RBFOX1: variants seen among roughly 807,000 people sequenced by gnomAD.
RBFOX1 encodes the protein RNA binding protein fox-1 homolog 1.
RBFOX1 carries 8 observed loss-of-function variants against 57.7 expected under a neutral mutation model. That is an observed-to-expected ratio of 0.14 (90% CI 0.08 to 0.25). The LOEUF (loss-of-function observed/expected upper bound fraction) is 0.25. RBFOX1 is among the 10% of genes least tolerant of loss of function. The pLI is 1.00. For missense variants in RBFOX1, 611 were observed against 548.5 expected (o/e 1.11, Z -1.14); for synonymous variants, 326 against 222.4 (o/e 1.47, Z -4.15).
At chr16:7,473,049 C>G (rs1343996974) in intron 4 of RBFOX1, among the ~76,000 whole-genome samples, 1 of 152,060 alleles carries the variant, frequency 6.6e-6, no homozygotes, top group Non-Finnish European at 1.5e-5. Flanking sequence ...ATGTCTCTGT[C>G]CAAGGGTTGA....
At chr16:6,071,758 T>A (rs2095840655) in intron 1 of RBFOX1, among the ~76,000 whole-genome samples, 1 of 152,188 alleles carries the variant, frequency 6.6e-6, no homozygotes, top group African/African-American at 2.4e-5. Flanking sequence ...TCCCCGTGGC[T>A]CCTGGTTACC....
intron 3 of RBFOX1, among the ~76,000 whole-genome samples, chr16:6,892,205 C>G (rs77915716): frequency 1.3e-5 from 2 of 152,200 alleles, no homozygotes; most frequent in East Asian, 3.9e-4. Context: ...GCCCTTTGGC[C>G]AAGCAGAACT....
chr16:5,330,525 C>G lies in RBFOX1; in HGVS notation c.219+90420C>G, dbSNP rs2064722077. The stretch of plus-strand genomic sequence containing the variant: ...TCGAGCAATTCTCCTGCCTCAGTCT[C>G]CCAAGTAGCTGGGACTACAGGTGTG... On this transcript the variant is annotated intron_variant, in intron 1 of 2. Coordinates refer to the RBFOX1 transcript ENST00000585867. Among the ~76,000 whole-genome samples the G allele has an allele frequency of 2.0e-5, 3 of 152,200 alleles. No individual in the cohort carries two copies. The South Asian group carries it at 6.2e-4, about 32-fold the overall frequency.
At position 6,296,066 on chromosome 16, in the gene RBFOX1, C is replaced by T. The variant is rs545053110; in HGVS notation, c.-126-20929C>T. On this transcript the variant is annotated intron_variant, in intron 1 of 15. Coordinates refer to ENST00000550418, the MANE Select transcript of RBFOX1 (RefSeq NM_018723.4). ...GGAAGCTGAGCCCAGGATCTTCATC[C>T]TTTCAGCCGTACAAGCAGTTGTTCT... 7.9e-5 allele frequency among the ~76,000 whole-genome samples: 12 copies of T among 152,348 alleles called. No individual in the cohort carries two copies. The South Asian group carries it at 2.5e-3, about 32-fold the overall frequency.
intron 4 of RBFOX1, among the ~76,000 whole-genome samples, chr16:5,980,050 C>A (rs531800553): frequency 6.6e-6 from 1 of 152,310 alleles, no homozygotes; most frequent in Admixed American, 6.5e-5. Context: ...AAAAGTCTTC[C>A]AATCAGCTCC....
chr16:5,800,795 C>G (rs1014391158), intron 3 of RBFOX1, among the ~76,000 whole-genome samples: 6 of 152,102 alleles, frequency 3.9e-5, no homozygotes, highest in African/African-American at 7.2e-5. Flanking sequence ...CGTCCTAGTG[C>G]CATTGGATCC....
intron 3 of RBFOX1, among the ~76,000 whole-genome samples, chr16:6,691,702 C>T (rs1437625552): frequency 6.6e-6 from 1 of 152,158 alleles, no homozygotes; most frequent in Non-Finnish European, 1.5e-5. Context: ...ACGTCCTAAT[C>T]CCCAGGAACC....
chr16:6,570,908 C>T (rs1238395635), intron 2 of RBFOX1, among the ~76,000 whole-genome samples: 1 of 152,156 alleles, frequency 6.6e-6, no homozygotes, highest in Non-Finnish European at 1.5e-5. Flanking sequence ...TGAAATCTTG[C>T]AGGGCCTTTG....
intron 2 of RBFOX1, among the ~76,000 whole-genome samples, chr16:6,431,417 A>G (rs1324263558): frequency 1.3e-5 from 2 of 152,108 alleles, no homozygotes; most frequent in African/African-American, 4.8e-5. Flanking sequence ...TTTTGGTGGC[A>G]TGCAGTGACG....
At chr16:7,613,009 C>T (rs1434010479) in intron 10 of RBFOX1, among the ~76,000 whole-genome samples, 2 of 152,144 alleles carry the variant, frequency 1.3e-5, no homozygotes, top group South Asian at 2.1e-4. Flanking sequence ...TTAAATTACT[C>T]CATGAGACGT....
intron 3 of RBFOX1, among the ~76,000 whole-genome samples, chr16:6,958,804 C>T (rs906359330): frequency 6.6e-6 from 1 of 152,034 alleles, no homozygotes; most frequent in Non-Finnish European, 1.5e-5. Flanking sequence ...AATTGGAAAT[C>T]GTGTCATTAT....
chr16:7,295,700 C>T (rs1044026857), intron 4 of RBFOX1, among the ~76,000 whole-genome samples: 3 of 152,130 alleles, frequency 2.0e-5, no homozygotes, highest in East Asian at 3.9e-4. Flanking sequence ...TTTGCAGTCT[C>T]GCTGTTTGTG....
intron 4 of RBFOX1, among the ~76,000 whole-genome samples, chr16:7,202,512 C>T (rs972079140): frequency 6.6e-6 from 1 of 152,146 alleles, no homozygotes; most frequent in African/African-American, 2.4e-5. Context: ...GAGCAGGGGT[C>T]CCCAGTCCCT....
chr16:6,925,623 A>G (rs2075433872), intron 3 of RBFOX1, among the ~76,000 whole-genome samples: 1 of 152,036 alleles, frequency 6.6e-6, no homozygotes, highest in African/African-American at 2.4e-5. Context: ...TGGGGGCATC[A>G]GTAAATAAGA....
At chr16:5,469,727 C>G (rs1311226199) in intron 2 of RBFOX1, among the ~76,000 whole-genome samples, 1 of 152,164 alleles carries the variant, frequency 6.6e-6, no homozygotes, top group Non-Finnish European at 1.5e-5. Context: ...GGATTTACCT[C>G]TTTTGGATAT....
chr16:7,695,222 A>T (rs1156793836), intron 14 of RBFOX1, among the ~76,000 whole-genome samples: 1 of 152,188 alleles, frequency 6.6e-6, no homozygotes, highest in Non-Finnish European at 1.5e-5. Flanking sequence ...TTGAACTCTG[A>T]ATTTTGAATG....
At chr16:6,533,975 G>T (rs1404350266) in intron 2 of RBFOX1, among the ~76,000 whole-genome samples, 2 of 152,084 alleles carry the variant, frequency 1.3e-5, no homozygotes, top group South Asian at 2.1e-4. Flanking sequence ...TTATATATAT[G>T]TGTGTATATA....
At chr16:6,293,022 C>T (rs763213379) in intron 1 of RBFOX1, among the ~76,000 whole-genome samples, 7 of 152,058 alleles carry the variant, frequency 4.6e-5, no homozygotes, top group Non-Finnish European at 5.9e-5. Context: ...TATCTTTCCC[C>T]CACCTGGAGG....
At chr16:6,621,925 AAG>A (rs995750760) in intron 2 of RBFOX1, among the ~76,000 whole-genome samples, 3 of 152,190 alleles carry the variant, frequency 2.0e-5, no homozygotes, top group African/African-American at 7.2e-5. Flanking sequence ...CTGAAGAGCT[AAG>A]AGAGAGTTAT....
Sources: gnomAD v4.1 joint callset for allele counts (sites outside exome capture counted in the v4.1 genomes callset) on GRCh38, gnomAD v4.1.1 for gene constraint, MANE v1.5 for transcripts, NCBI Gene and HGNC (gene_info 2026-07-23, HGNC 2026-07-21) for gene names.